The following GNA14 variants were observed in gnomAD, a reference collection of about 807,000 sequenced individuals.
GNA14 encodes the protein guanine nucleotide-binding protein subunit alpha-14.
A neutral mutation model predicts 42.0 loss-of-function variants in GNA14; 50 were observed. The observed-to-expected ratio is 1.19, with a 90% confidence interval of 0.95 to 1.51. GNA14 has a LOEUF of 1.51. Ranked by LOEUF, GNA14 falls within the 40% of genes most tolerant of loss-of-function variation. The probability of loss-of-function intolerance (pLI) is 0.00; values close to 1 mark genes in which losing one functional copy is unlikely to be tolerated. For missense variants in GNA14, 473 were observed against 446.2 expected (o/e 1.06, Z -0.54); for synonymous variants, 173 against 163.1 (o/e 1.06, Z -0.46).
chr9:77,552,468 G>A, intron 1 of GNA14, among the ~76,000 whole-genome samples: 1 of 152,114 alleles, frequency 6.6e-6, no homozygotes, highest in East Asian at 1.9e-4. Context: ...ACTTTTCTTG[G>A]TCCTACATTC....
chr9:77,563,763 G>T (rs1822921288), intron 1 of GNA14, among the ~76,000 whole-genome samples: 1 of 152,056 alleles, frequency 6.6e-6, no homozygotes, highest in Non-Finnish European at 1.5e-5. Context: ...TGGTAACAAT[G>T]AACCCAAGAA....
At position 77,464,820 on chromosome 9, in the gene GNA14, A is replaced by G. The variant is rs927939949; in HGVS notation, c.310-30298T>C. On this transcript the variant is annotated intron_variant, in intron 2 of 6. Coordinates refer to ENST00000341700, the MANE Select transcript of GNA14 (RefSeq NM_004297.4). Reference sequence around the variant, plus strand: ...TCTTTTCAGATGTAATCAAGTTAAGATGAGGTCACTTGGGTAGGCCTTATT... The same window carrying G: ...TCTTTTCAGATGTAATCAAGTTAAGGTGAGGTCACTTGGGTAGGCCTTATT... Among the ~76,000 whole-genome samples, 3 of 152,330 alleles carry G rather than the reference A, an allele frequency of 2.0e-5. No homozygotes were observed. The South Asian group carries it at 6.2e-4, about 32-fold the overall frequency.
At chr9:77,479,200 T>C (rs1178961466) in intron 2 of GNA14, among the ~76,000 whole-genome samples, 2 of 152,218 alleles carry the variant, frequency 1.3e-5, no homozygotes, top group South Asian at 4.1e-4. Context: ...AATTTTTGTA[T>C]AAGGTGTAAG....
intron 1 of GNA14, among the ~76,000 whole-genome samples, chr9:77,629,600 A>G (rs371416441): frequency 2.6e-5 from 4 of 152,220 alleles, no homozygotes; most frequent in East Asian, 3.9e-4. Flanking sequence ...GAAGCTGGAA[A>G]CCATCATTCT....
intron 2 of GNA14, among the ~76,000 whole-genome samples, chr9:77,516,887 C>T (rs1298586120): frequency 6.6e-6 from 1 of 152,172 alleles, no homozygotes; most frequent in African/African-American, 2.4e-5. Context: ...GACAACCTGT[C>T]TCTTAAAGAT....
intron 1 of GNA14, among the ~76,000 whole-genome samples, chr9:77,553,535 T>TACA (rs1176696048): frequency 2.0e-5 from 3 of 151,994 alleles, no homozygotes. Context: ...AAGAAGAGAA[T>TACA]ACAAGTAGGC....
chr9:77,493,046 T>TATATATATATATATA (rs1564030867), intron 2 of GNA14, among the ~76,000 whole-genome samples: 18 of 136,554 alleles, frequency 1.3e-4, no homozygotes, highest in South Asian at 2.3e-4. Flanking sequence ...TATATATATA[T>TATATATATATATATA]TTGGGAGATG....
chr9:77,493,210 T>A lies in GNA14; in HGVS notation c.309+35859A>T, dbSNP rs555072481. Among the ~76,000 whole-genome samples the A allele has an allele frequency of 2.1e-4, 32 of 151,548 alleles. 1 individual carries two copies. The highest frequency in any genetic ancestry group is 3.4e-3 in the Middle Eastern group (1 of 294). On this transcript the variant is annotated intron_variant, in intron 2 of 6. Transcript: ENST00000341700. ...GACTGTAAGCCCACACAAAGTCTTA[T>A]CTCTACTAGAATGAAAATGTTAGGT...
At chr9:77,445,526 C>A (rs4745638) in intron 2 of GNA14, among the ~76,000 whole-genome samples, 23,763 of 141,572 alleles carry the variant, frequency 0.17, 2,166 homozygotes, top group East Asian at 0.37. Context: ...CACCCTGGGC[C>A]GCAAAGTGAG....
intron 1 of GNA14, among the ~76,000 whole-genome samples, chr9:77,593,164 A>G (rs1228869815): frequency 6.6e-6 from 1 of 152,226 alleles, no homozygotes; most frequent in Non-Finnish European, 1.5e-5. Context: ...GAGATGTGTT[A>G]TAACTCTACA....
intron 2 of GNA14, among the ~76,000 whole-genome samples, chr9:77,449,642 C>G (rs1034885913): frequency 5.9e-5 from 9 of 152,122 alleles, no homozygotes; most frequent in African/African-American, 2.2e-4. Context: ...AGTGGCCTCC[C>G]CAATCTTTGA....
chr9:77,495,136 T>G (rs770825141), intron 2 of GNA14, among the ~76,000 whole-genome samples: 3 of 152,064 alleles, frequency 2.0e-5, no homozygotes, highest in Non-Finnish European at 2.9e-5. Context: ...TTGCATCATT[T>G]CAAGAGCAAA....
chr9:77,428,315 G>A lies in GNA14; in HGVS notation c.723+592C>T, dbSNP rs367997235. 1.1e-4 allele frequency among the ~76,000 whole-genome samples: 17 copies of A among 151,992 alleles called. No individual in the cohort carries two copies. In the East Asian group the frequency reaches 1.2e-3, roughly 10 times the overall value. Reference sequence around the variant, plus strand: ...AGGATGGTCTCGATCTCCTGACCTCGTGATCCACCTGCCTCGGCCTCCCAA... The same window carrying A: ...AGGATGGTCTCGATCTCCTGACCTCATGATCCACCTGCCTCGGCCTCCCAA... On this transcript the variant is annotated intron_variant, in intron 5 of 6. Coordinates refer to ENST00000341700, the MANE Select transcript of GNA14 (RefSeq NM_004297.4).
chr9:77,490,683 G>C (rs1038880733), intron 2 of GNA14, among the ~76,000 whole-genome samples: 63 of 152,198 alleles, frequency 4.1e-4, no homozygotes, highest in African/African-American at 1.3e-3. Flanking sequence ...CGAGTGCGGG[G>C]CCTGCCAAGC....
chr9:77,502,901 G>C (rs1324817437), intron 2 of GNA14, among the ~76,000 whole-genome samples: 1 of 152,120 alleles, frequency 6.6e-6, no homozygotes, highest in Non-Finnish European at 1.5e-5. Flanking sequence ...TCCTTTCTTG[G>C]TGCTTCGGTC....
At chr9:77,587,834 C>T (rs958727523) in intron 1 of GNA14, among the ~76,000 whole-genome samples, 2 of 152,160 alleles carry the variant, frequency 1.3e-5, no homozygotes, top group African/African-American at 2.4e-5. Flanking sequence ...TATACACACA[C>T]GAATTTATTC....
At chr9:77,622,034 T>G (rs551974923) in intron 1 of GNA14, among the ~76,000 whole-genome samples, 2 of 152,284 alleles carry the variant, frequency 1.3e-5, no homozygotes, top group Admixed American at 1.3e-4. Context: ...CAAGCAATTC[T>G]CCCACCTCAG....
At position 77,618,724 on chromosome 9, in the gene GNA14, C is replaced by T. The variant is rs1487455335; in HGVS notation, c.124+28946G>A. On this transcript the variant is annotated intron_variant, in intron 1 of 6. Transcript: ENST00000341700. ...TCTCGGCTCACTGCAAGCTCCGCCT[C>T]CCGGGTTCACGCCATTCTCCTGCCT... is the stretch of plus-strand genomic sequence containing the variant. Among the ~76,000 whole-genome samples, 362 of 137,808 alleles carry T rather than the reference C, an allele frequency of 2.6e-3. 1 individual carries two copies. The highest frequency in any genetic ancestry group is 9.7e-3 in the African/African-American group (353 of 36,362). The allele number at this position is 137,808 out of a possible 152,430, so 90.4% of individuals were successfully genotyped here.
chr9:77,574,186 G>C (rs1823098494), intron 1 of GNA14, among the ~76,000 whole-genome samples: 1 of 152,148 alleles, frequency 6.6e-6, no homozygotes, highest in African/African-American at 2.4e-5. Context: ...AGGAAACACA[G>C]TGAGGCAAGC....
Sources: allele counts gnomAD v4.1 joint callset (sites outside exome capture counted in the v4.1 genomes callset), GRCh38; gene constraint gnomAD v4.1.1; transcripts MANE v1.5; gene names NCBI Gene and HGNC (gene_info 2026-07-23, HGNC 2026-07-21).